OXR1: variants seen among roughly 807,000 people sequenced by gnomAD.
OXR1 encodes the protein oxidation resistance protein 1.
OXR1 carries 41 observed loss-of-function variants against 104.6 expected under a neutral mutation model. That is an observed-to-expected ratio of 0.39 (90% CI 0.31 to 0.51). The LOEUF (loss-of-function observed/expected upper bound fraction) is 0.51. Ranked by LOEUF, OXR1 falls within the 20% of genes least tolerant of loss-of-function variation. OXR1 has a pLI of 0.77. For synonymous variants in OXR1, 348 were observed against 348.4 expected (o/e 1.00, Z 0.01); for missense variants, 955 against 1,031.9 (o/e 0.93, Z 1.02).
chr8:106,302,479 G>C (rs545736901), intron 1 of OXR1, among the ~76,000 whole-genome samples: 3 of 151,520 alleles, frequency 2.0e-5, no homozygotes, highest in African/African-American at 4.8e-5. Flanking sequence ...CCAGCTACTC[G>C]GGAGGCTGAG....
At chr8:106,407,945 G>T (rs894039216) in intron 2 of OXR1, among the ~76,000 whole-genome samples, 13 of 152,170 alleles carry the variant, frequency 8.5e-5, no homozygotes, top group African/African-American at 3.1e-4. Context: ...TACGTTTTGT[G>T]CTACCCATCA....
chr8:106,742,472 A>G (rs915239341), intron 15 of OXR1, 155 bp downstream of exon 15: 2 of 532,956 alleles, frequency 3.8e-6, no homozygotes, highest in Non-Finnish European at 6.6e-6. Context: ...GGAACCCAAA[A>G]AGAGCCCAAA....
rs1057349519 is a variant in OXR1, at chr8:106,389,071, A to G, written c.23+29435A>G. Among the ~76,000 whole-genome samples, 4 of 152,196 alleles carry G rather than the reference A, an allele frequency of 2.6e-5. No individual in the cohort carries two copies. In the East Asian group the frequency reaches 7.7e-4, roughly 29 times the overall value. ...CTAATAAGAAGAATCATAGCACTCT[A>G]GAGCTTTTAGTGAGATAAATATCTT... On this transcript the variant is annotated intron_variant, in intron 2 of 16. Coordinates refer to ENST00000517566, the MANE Select transcript of OXR1 (RefSeq NM_001198533.2).
At chr8:106,525,133 G>T (rs1165934430) in intron 3 of OXR1, among the ~76,000 whole-genome samples, 2 of 152,218 alleles carry the variant, frequency 1.3e-5, no homozygotes, top group Non-Finnish European at 1.5e-5. Context: ...GTTAGAAAGG[G>T]TTATGAATCT....
At chr8:106,543,621 G>T (rs1041346998) in intron 3 of OXR1, among the ~76,000 whole-genome samples, 1 of 152,112 alleles carries the variant, frequency 6.6e-6, no homozygotes, top group African/African-American at 2.4e-5. Flanking sequence ...ATTTGACCAA[G>T]AAATAACTTC....
intron 1 of OXR1, among the ~76,000 whole-genome samples, chr8:106,283,298 CAGG>C (rs1563693410): frequency 6.6e-6 from 1 of 152,176 alleles, no homozygotes. Context: ...CCTTTCCTAT[CAGG>C]AGGCCTAGGC....
At chr8:106,464,522 T>C (rs1298137589) in intron 2 of OXR1, among the ~76,000 whole-genome samples, 1 of 151,530 alleles carries the variant, frequency 6.6e-6, no homozygotes, top group African/African-American at 2.4e-5. Context: ...TATTATGGTA[T>C]TTTTTTTTCT....
chr8:106,631,016 A>G (rs549515925), intron 3 of OXR1, among the ~76,000 whole-genome samples: 26 of 152,322 alleles, frequency 1.7e-4, no homozygotes, highest in African/African-American at 6.0e-4. Flanking sequence ...GGAAAAGAAG[A>G]AAATATTGAC....
chr8:106,739,595 T>C lies in OXR1; in HGVS notation c.2163+12T>C, dbSNP rs1462370274. ...ATCAAATTGAAAAGGTATGACATGC[T>C]CACATATGTGCATTTCTGAGTGTGA... On this transcript the variant is annotated intron_variant, in intron 13 of 16. Transcript: ENST00000517566. 4 of 1,611,756 alleles carry C rather than the reference T, an allele frequency of 2.5e-6. No homozygotes were observed. The highest frequency in any genetic ancestry group is 3.4e-6 in the Non-Finnish European group (4 of 1,178,740).
At chr8:106,412,045 T>C (rs1818476731) in intron 2 of OXR1, among the ~76,000 whole-genome samples, 1 of 152,176 alleles carries the variant, frequency 6.6e-6, no homozygotes, top group Admixed American at 6.6e-5. Flanking sequence ...ATTGTGAAGA[T>C]TAAATGTGAA....
chr8:106,437,886 A>C (rs1173523519), intron 2 of OXR1, among the ~76,000 whole-genome samples: 1 of 152,150 alleles, frequency 6.6e-6, no homozygotes, highest in Non-Finnish European at 1.5e-5. Context: ...GTCATCCCCT[A>C]AAATGCATTG....
intron 11 of OXR1, among the ~76,000 whole-genome samples, chr8:106,723,080 G>A (rs1489982422): frequency 6.6e-6 from 1 of 152,088 alleles, no homozygotes; most frequent in East Asian, 1.9e-4. Flanking sequence ...TCTAGGCCAG[G>A]CGTGGTGGCT....
chr8:106,682,990 A>G (rs1828329329), intron 4 of OXR1, among the ~76,000 whole-genome samples: 1 of 152,206 alleles, frequency 6.6e-6, no homozygotes, highest in South Asian at 2.1e-4. Flanking sequence ...ATGTAAATGT[A>G]TTGTGATGAA....
chr8:106,440,270 A>C (rs2130586257), intron 2 of OXR1, among the ~76,000 whole-genome samples: 1 of 152,250 alleles, frequency 6.6e-6, no homozygotes, highest in African/African-American at 2.4e-5. Flanking sequence ...TTTGAAGAAA[A>C]GAGTGCAATA....
chr8:106,539,431 A>G (rs1006834148), intron 3 of OXR1, among the ~76,000 whole-genome samples: 2 of 152,202 alleles, frequency 1.3e-5, no homozygotes, highest in African/African-American at 4.8e-5. Flanking sequence ...TTCAGTAAAA[A>G]CTAAATACGA....
At chr8:106,507,663 A>G (rs1007628491) in intron 2 of OXR1, among the ~76,000 whole-genome samples, 11 of 152,182 alleles carry the variant, frequency 7.2e-5, no homozygotes, top group Non-Finnish European at 1.5e-4. Flanking sequence ...ACAGAGAAAC[A>G]GACTTGAAGT....
intron 3 of OXR1, among the ~76,000 whole-genome samples, chr8:106,550,792 T>C (rs1815742456): frequency 6.6e-6 from 1 of 152,160 alleles, no homozygotes; most frequent in Admixed American, 6.5e-5. Context: ...CTTCTTTTCT[T>C]TATAAATTAC....
chr8:106,289,366 A>G (rs1812648814), intron 1 of OXR1, among the ~76,000 whole-genome samples: 3 of 152,318 alleles, frequency 2.0e-5, no homozygotes, highest in South Asian at 4.1e-4. Flanking sequence ...GTATACACCA[A>G]TAATGTCCAG....
At chr8:106,351,715 G>C (rs1446902983) in intron 1 of OXR1, among the ~76,000 whole-genome samples, 7 of 152,164 alleles carry the variant, frequency 4.6e-5, no homozygotes, top group African/African-American at 1.7e-4. Context: ...GCAATATAGA[G>C]CAATTACAGA....
Sources: allele counts gnomAD v4.1 joint callset (sites outside exome capture counted in the v4.1 genomes callset), GRCh38; gene constraint gnomAD v4.1.1; transcripts MANE v1.5; gene names NCBI Gene and HGNC (gene_info 2026-07-23, HGNC 2026-07-21).